Variants in ATXN1 observed in about 807,000 individuals in gnomAD.
ATXN1 encodes ataxin 1, also known as ataxin-1.
ATXN1 carries 8 observed loss-of-function variants against 56.4 expected under a neutral mutation model. That is an observed-to-expected ratio of 0.14 (90% CI 0.08 to 0.26). The LOEUF is 0.26. ATXN1 is among the 10% of genes least tolerant of loss of function. ATXN1 has a pLI of 1.00. For synonymous variants in ATXN1, 514 were observed against 494.6 expected (o/e 1.04, Z -0.52); for missense variants, 987 against 1,106.5 (o/e 0.89, Z 1.53).
chr6:16,415,852 G>A (rs910401496), intron 6 of ATXN1, among the ~76,000 whole-genome samples: 1 of 152,166 alleles, frequency 6.6e-6, no homozygotes, highest in Non-Finnish European at 1.5e-5. Context: ...GCTGTAGGTA[G>A]GGAACAGAAT....
At chr6:16,377,500 C>T (rs1022496274) in intron 6 of ATXN1, among the ~76,000 whole-genome samples, 2 of 152,106 alleles carry the variant, frequency 1.3e-5, no homozygotes, top group Non-Finnish European at 2.9e-5. Flanking sequence ...ATATGAGGGT[C>T]CGGAGGGTCA....
intron 6 of ATXN1, among the ~76,000 whole-genome samples, chr6:16,390,869 T>C (rs1490586812): frequency 6.6e-6 from 1 of 151,986 alleles, no homozygotes; most frequent in African/African-American, 2.4e-5. Context: ...TTGTCAAAGA[T>C]AATAGTTATG....
intron 4 of ATXN1, among the ~76,000 whole-genome samples, chr6:16,526,765 C>CAAA (rs34515868): frequency 8.6e-6 from 1 of 116,582 alleles, no homozygotes; most frequent in East Asian, 2.3e-4. Flanking sequence ...AACTTCATCT[C>CAAA]AAAAAAAAAA....
intron 5 of ATXN1, among the ~76,000 whole-genome samples, chr6:16,505,924 C>T (rs919312578): frequency 3.9e-5 from 6 of 152,156 alleles, no homozygotes; most frequent in East Asian, 3.8e-4. Context: ...CAACGAATGG[C>T]GAATGATGTT....
intron 3 of ATXN1, among the ~76,000 whole-genome samples, chr6:16,617,942 C>A (rs959757961): frequency 2.0e-5 from 3 of 151,096 alleles, no homozygotes; most frequent in African/African-American, 7.3e-5. Flanking sequence ...TAAGATCGCA[C>A]ATCAAAATAA....
intron 2 of ATXN1, among the ~76,000 whole-genome samples, chr6:16,735,661 T>C (rs1760103883): frequency 6.6e-6 from 1 of 152,186 alleles, no homozygotes; most frequent in Non-Finnish European, 1.5e-5. Context: ...ACCACTCACC[T>C]GTAGGTGTAC....
chr6:16,557,792 C>A (rs1317279144), intron 4 of ATXN1, among the ~76,000 whole-genome samples: 1 of 152,124 alleles, frequency 6.6e-6, no homozygotes, highest in Non-Finnish European at 1.5e-5. Flanking sequence ...AATATAGATC[C>A]CTAATTCACA....
chr6:16,472,853 T>C (rs918609559), intron 6 of ATXN1, among the ~76,000 whole-genome samples: 2 of 152,178 alleles, frequency 1.3e-5, no homozygotes, highest in Non-Finnish European at 2.9e-5. Flanking sequence ...GAACCCTGCA[T>C]TGAGTTTAAT....
At chr6:16,446,270 G>A (rs1265516737) in intron 6 of ATXN1, among the ~76,000 whole-genome samples, 2 of 152,038 alleles carry the variant, frequency 1.3e-5, no homozygotes, top group Admixed American at 6.6e-5. Flanking sequence ...TTCTCTGATG[G>A]CCAGTGATGA....
rs191817547 is a variant in ATXN1, at chr6:16,310,008, G to A, written c.1918-3149C>T. 3.3e-5 allele frequency among the ~76,000 whole-genome samples: 5 copies of A among 150,988 alleles called. 1 individual carries two copies. The highest frequency in any genetic ancestry group is 4.2e-4 in the South Asian group (2 of 4,738). ...AAGATCGTTGCAGTGAGCCAAGATC[G>A]TTGCAGTGAGCCAAGATCATTCCAT... On this transcript the variant is annotated intron_variant, in intron 7 of 7. Transcript: ENST00000436367.
intron 3 of ATXN1, among the ~76,000 whole-genome samples, chr6:16,629,991 AT>A (rs898768755): frequency 6.6e-6 from 1 of 151,928 alleles, no homozygotes; most frequent in Non-Finnish European, 1.5e-5. Flanking sequence ...GGAAAGGGCA[AT>A]TTTTTTTAAC....
rs1760072367 is a variant in ATXN1 at position 16,300,934 on chromosome 6, G to T, written c.*5395C>A. 6.6e-6 allele frequency: 1 copy of T among 152,612 alleles called. No homozygotes were observed. Among genetic ancestry groups the T allele is most frequent in the Non-Finnish European group, 1.5e-5 (1 of 68,048 alleles). 9.5% of individuals were successfully genotyped at this position (152,612 alleles called of 1,614,324 possible). A position where few individuals can be genotyped will look rare whatever the true frequency, so the allele number is the denominator to read the frequency against. On this transcript the variant is annotated 3_prime_UTR_variant, in exon 8 of 8. Transcript: ENST00000436367. ...CCGAGTTCCCCTCCCTCAGACGAGG[G>T]CTATATGTAACAAAAATAACAATAA...
chr6:16,581,206 TGTGTGTGTGTGTGTGTGTGCGCGC>T (rs1173864396), intron 4 of ATXN1, among the ~76,000 whole-genome samples: 1 of 120,448 alleles, frequency 8.3e-6, no homozygotes, highest in Admixed American at 7.9e-5. Context: ...TGTGTGTGTG[TGTGTGTGTGTGTGTGTGTGCGCGC>T]GTGTGTGTGT....
intron 5 of ATXN1, among the ~76,000 whole-genome samples, chr6:16,500,567 T>A (rs1291229985): frequency 6.6e-6 from 1 of 151,908 alleles, no homozygotes; most frequent in Non-Finnish European, 1.5e-5. Flanking sequence ...GGTGTGTGAG[T>A]GTACATAAGT....
At chr6:16,412,250 C>A (rs1581744869) in intron 6 of ATXN1, among the ~76,000 whole-genome samples, 1 of 152,144 alleles carries the variant, frequency 6.6e-6, no homozygotes, top group Non-Finnish European at 1.5e-5. Context: ...CACCCGGAAA[C>A]TCAAAACAAG....
intron 2 of ATXN1, among the ~76,000 whole-genome samples, chr6:16,729,273 C>A (rs1441551603): frequency 6.6e-6 from 1 of 152,206 alleles, no homozygotes; most frequent in Non-Finnish European, 1.5e-5. Flanking sequence ...CAAAGGCAGA[C>A]TTCAAAAGGA....
intron 3 of ATXN1, among the ~76,000 whole-genome samples, chr6:16,596,477 T>C (rs1041639228): frequency 6.6e-6 from 1 of 152,198 alleles, no homozygotes; most frequent in Non-Finnish European, 1.5e-5. Flanking sequence ...AATGCTGATA[T>C]GTAAAGATCC....
chr6:16,557,400 AG>A (rs1762035256), intron 4 of ATXN1, among the ~76,000 whole-genome samples: 1 of 151,902 alleles, frequency 6.6e-6, no homozygotes. Flanking sequence ...AGGAGGAGAT[AG>A]GAACAACTGC....
intron 2 of ATXN1, among the ~76,000 whole-genome samples, chr6:16,682,203 C>CTTTTTTTTTTTTTTTTT (rs10528588): frequency 4.3e-5 from 5 of 116,992 alleles, no homozygotes; most frequent in African/African-American, 1.3e-4. Flanking sequence ...CTGGGGAGAA[C>CTTTTTTTTTTTTTTTTT]TTTTTTTTTT....
Sources: gnomAD v4.1 joint callset for allele counts (sites outside exome capture counted in the v4.1 genomes callset) on GRCh38, gnomAD v4.1.1 for gene constraint, MANE v1.5 for transcripts, NCBI Gene and HGNC (gene_info 2026-07-23, HGNC 2026-07-21) for gene names.